REV3L: variants seen among roughly 807,000 people sequenced by gnomAD.
REV3L encodes DNA polymerase zeta catalytic subunit.
In REV3L, 69 loss-of-function variants were observed where a neutral mutation model predicts 299.4. That is an observed-to-expected ratio of 0.23 (90% CI 0.19 to 0.28). The LOEUF is 0.28. REV3L is among the 10% of genes least tolerant of loss of function. The pLI is 1.00. For synonymous variants in REV3L, 1,238 were observed against 1,271.4 expected (o/e 0.97, Z 0.56); for missense variants, 3,128 against 3,693.8 (o/e 0.85, Z 3.97).
At chr6:111,385,445 C>G (rs1368164008) in intron 9 of REV3L, among the ~76,000 whole-genome samples, 1 of 151,622 alleles carries the variant, frequency 6.6e-6, no homozygotes, top group Non-Finnish European at 1.5e-5. Context: ...CATTAAAGAC[C>G]TAAATGTGAA....
chr6:111,453,153 G>T (rs991093705), intron 1 of REV3L, among the ~76,000 whole-genome samples: 1 of 151,954 alleles, frequency 6.6e-6, no homozygotes, highest in Non-Finnish European at 1.5e-5. Context: ...TAAATCACAG[G>T]CATCAACATA....
At position 111,374,232 on chromosome 6, in the gene REV3L, A is replaced by T. The variant is rs758470781; in HGVS notation, c.4123T>A (p.Ser1375Thr). The change falls in exon 13 of 32, where the codon TCT (serine) becomes ACT (threonine). Residue 1375 changes from serine to threonine, a missense_variant. Coordinates refer to ENST00000368802, the MANE Select transcript of REV3L (RefSeq NM_001372078.1). ...LSQVAQNTQI[S>T]SGMSSKIEDN... is the part of the protein sequence containing the mutation. ...TCTATCTTTGAGGACATACCAGAAG[A>T]TATCTGTGTATTCTGTGCTACCTGA... 2.2e-5 allele frequency: 35 copies of T among 1,613,754 alleles called. No individual in the cohort carries two copies. The highest frequency in any genetic ancestry group is 3.0e-5 in the Non-Finnish European group (35 of 1,179,702).
At chr6:111,435,299 T>C (rs529479187) in intron 1 of REV3L, among the ~76,000 whole-genome samples, 22 of 152,064 alleles carry the variant, frequency 1.4e-4, no homozygotes, top group Non-Finnish European at 2.5e-4. Flanking sequence ...TTCACAGAAA[T>C]AGAAAAAACA....
intron 16 of REV3L, among the ~76,000 whole-genome samples, chr6:111,362,020 A>G (rs982596586): frequency 1.4e-4 from 21 of 152,206 alleles, no homozygotes; most frequent in African/African-American, 5.1e-4. Flanking sequence ...CAAATAAGAG[A>G]ATAATCAAAT....
chr6:111,413,407 A>G (rs1311634470), intron 2 of REV3L, among the ~76,000 whole-genome samples: 1 of 152,112 alleles, frequency 6.6e-6, no homozygotes. Context: ...GATAGCGAAA[A>G]ATCTCACCTA....
rs17539812 is a variant in REV3L, at chr6:111,358,727, A to G, written c.7072+95T>C. 8.6e-4 allele frequency: 794 copies of G among 925,224 alleles called. 1 individual carries two copies. Among genetic ancestry groups the G allele is most frequent in the Non-Finnish European group, 8.2e-4 (508 of 619,490 alleles). 57.3% of individuals were successfully genotyped at this position (925,224 alleles called of 1,614,324 possible). A position where few individuals can be genotyped will look rare whatever the true frequency, so the allele number is the denominator to read the frequency against. On this transcript the variant is annotated intron_variant, in intron 17 of 31. Transcript: ENST00000368802. ...GCAAACATTTTAGAAAAGAGTCATC[A>G]TGCTTGCTTAGATTAGATCTTCAGC... is the stretch of plus-strand genomic sequence containing the variant.
At chr6:111,321,893 G>A (rs1562118731) in intron 26 of REV3L, among the ~76,000 whole-genome samples, 1 of 152,114 alleles carries the variant, frequency 6.6e-6, no homozygotes, top group Non-Finnish European at 1.5e-5. Context: ...CATTCTAGAA[G>A]AATTTCAATA....
chr6:111,309,704 C>T (rs1772742467), intron 30 of REV3L, 149 bp downstream of exon 30: 4 of 824,054 alleles, frequency 4.9e-6, no homozygotes, highest in South Asian at 2.4e-5. Context: ...CCAGCACTTC[C>T]CCTCCCGCTT....
intron 4 of REV3L, among the ~76,000 whole-genome samples, chr6:111,402,841 G>A (rs903814458): frequency 1.3e-4 from 20 of 152,088 alleles, no homozygotes; most frequent in Non-Finnish European, 1.5e-5. Flanking sequence ...GAAGTAGAAG[G>A]GAAGGAATTC....
At chr6:111,421,328 T>C (rs781489956) in intron 1 of REV3L, among the ~76,000 whole-genome samples, 4 of 152,196 alleles carry the variant, frequency 2.6e-5, no homozygotes, top group Non-Finnish European at 5.9e-5. Context: ...AAAGACTAAA[T>C]GTACCATTCC....
chr6:111,357,585 C>T (rs373958565), intron 17 of REV3L, among the ~76,000 whole-genome samples: 5 of 151,866 alleles, frequency 3.3e-5, no homozygotes, highest in Non-Finnish European at 4.4e-5. Context: ...CCCAGCTACT[C>T]GGGAGGCTGA....
chr6:111,430,613 G>A (rs533914760), intron 1 of REV3L: 38 of 1,527,150 alleles, frequency 2.5e-5, no homozygotes, highest in African/African-American at 5.5e-5. Context: ...CAGACACCTC[G>A]CAGAGTGGGG....
intron 1 of REV3L, among the ~76,000 whole-genome samples, chr6:111,438,707 G>A (rs1326323652): frequency 6.6e-6 from 1 of 152,038 alleles, no homozygotes. Flanking sequence ...TTAAAGAAAG[G>A]TTTTCTTAGG....
Position 111,482,772 on chromosome 6 carries a change from T to C in REV3L, c.117A>G (p.Arg39=). The change falls in exon 1 of 32, where the codon CGA becomes CGG. Residue 39 remains arginine (R), a synonymous_variant. Coordinates refer to ENST00000368802, the MANE Select transcript of REV3L (RefSeq NM_001372078.1). ...TACCTGCCGGGGTCGCTCCGAAGAC[T>C]CGCACCACCGGCACCTTCTTGACAG... is the stretch of plus-strand genomic sequence containing the variant. ...QAPVKKVPVV[R]VFGATPAGQK... The C allele has an allele frequency of 4.1e-6, 6 of 1,468,360 alleles. No homozygotes were observed. Among genetic ancestry groups the C allele is most frequent in the Non-Finnish European group, 5.4e-6 (6 of 1,106,430 alleles). 91.0% of individuals were successfully genotyped at this position (1,468,360 alleles called of 1,614,324 possible).
At chr6:111,336,996 G>A (rs926611565) in intron 21 of REV3L, among the ~76,000 whole-genome samples, 7 of 151,842 alleles carry the variant, frequency 4.6e-5, no homozygotes, top group Admixed American at 2.6e-4. Context: ...GAATTAAAAA[G>A]CTGTCAGGGG....
chr6:111,391,666 T>C (rs1263350118), intron 5 of REV3L, among the ~76,000 whole-genome samples: 1 of 152,244 alleles, frequency 6.6e-6, no homozygotes, highest in Non-Finnish European at 1.5e-5. Flanking sequence ...TGGTGGCTCA[T>C]GAATGTGATC....
rs967960458 is a variant in REV3L, at chr6:111,450,500, A to C, written c.139+32250T>G. Among the ~76,000 whole-genome samples, 9 of 150,474 alleles carry C rather than the reference A, an allele frequency of 6.0e-5. No individual in the cohort carries two copies. In the South Asian group the frequency reaches 8.3e-4, roughly 14 times the overall value. ...TCTCAAAAAAAAAAAAAAAAAAAAAAAAAAAACCAAAAAACATTAGTATCC... is the reference window on the plus strand; with the variant it reads ...TCTCAAAAAAAAAAAAAAAAAAAAACAAAAAACCAAAAAACATTAGTATCC... On this transcript the variant is annotated intron_variant, in intron 1 of 31. Transcript: ENST00000368802.
At chr6:111,300,498 TA>T (rs1368127226) in intron 31 of REV3L, among the ~76,000 whole-genome samples, 2 of 152,224 alleles carry the variant, frequency 1.3e-5, no homozygotes, top group Admixed American at 1.3e-4. Flanking sequence ...GTTTTCAAAG[TA>T]CTTAGACTAT....
chr6:111,303,173 T>TTC (rs1771794158), intron 31 of REV3L, among the ~76,000 whole-genome samples: 1 of 125,468 alleles, frequency 8.0e-6, no homozygotes, highest in East Asian at 2.1e-4. Flanking sequence ...TTCTTTTTTT[T>TTC]TTTTTTTTTG....
Sources: gnomAD v4.1 joint callset for allele counts (sites outside exome capture counted in the v4.1 genomes callset) on GRCh38, gnomAD v4.1.1 for gene constraint, MANE v1.5 for transcripts, NCBI Gene and HGNC (gene_info 2026-07-23, HGNC 2026-07-21) for gene names.